Variants in NFAM1 observed in about 807,000 individuals in gnomAD.
NFAM1 encodes NFAT activating protein with ITAM motif 1.
Under a neutral mutation model 29.0 loss-of-function variants are expected in NFAM1, and 17 were observed. The observed-to-expected ratio is 0.59, with a 90% CI of 0.40 to 0.88. NFAM1 has a LOEUF of 0.88. Among genes scored for constraint, NFAM1 ranks in the 40% least tolerant of loss-of-function variants. NFAM1 has a pLI of 0.00. For missense variants in NFAM1, 324 were observed against 344.6 expected (o/e 0.94, Z 0.47); for synonymous variants, 175 against 147.2 (o/e 1.19, Z -1.36).
intron 4 of NFAM1, among the ~76,000 whole-genome samples, chr22:42,387,337 C>T (rs1214595342): frequency 6.6e-6 from 1 of 152,164 alleles, no homozygotes; most frequent in Non-Finnish European, 1.5e-5. Context: ...TTGTATTCCA[C>T]CTGGAGGGTT....
intron 4 of NFAM1, among the ~76,000 whole-genome samples, chr22:42,394,192 T>C (rs1374555491): frequency 6.6e-6 from 1 of 150,956 alleles, no homozygotes; most frequent in African/African-American, 2.4e-5. Flanking sequence ...TGTGCCACCA[T>C]GCCCGGCTAA....
chr22:42,385,062 C>A lies in NFAM1; in HGVS notation c.*99G>T. On this transcript the variant is annotated 3_prime_UTR_variant, in exon 6 of 6. Coordinates refer to ENST00000329021, the MANE Select transcript of NFAM1 (RefSeq NM_145912.8). ...TGTGAGGGTGAAATGATGGGGTGTCCCTGGGGGCCTTACTCCCAACTCAGA... is the reference window on the plus strand; with the variant it reads ...TGTGAGGGTGAAATGATGGGGTGTCACTGGGGGCCTTACTCCCAACTCAGA... 3 of 867,404 alleles carry A rather than the reference C, an allele frequency of 3.5e-6. No individual in the cohort carries two copies. Among genetic ancestry groups the A allele is most frequent in the Non-Finnish European group, 6.0e-6 (3 of 503,418 alleles). The allele number at this position is 867,404 out of a possible 1,614,324, so 53.7% of individuals were successfully genotyped here.
At chr22:42,404,140 C>T (rs1256814039) in intron 3 of NFAM1, among the ~76,000 whole-genome samples, 1 of 152,150 alleles carries the variant, frequency 6.6e-6, no homozygotes, top group Non-Finnish European at 1.5e-5. Context: ...GGGGTGTGAG[C>T]TCCGTGCCCT....
chr22:42,392,127 G>C (rs1330067477), intron 4 of NFAM1, among the ~76,000 whole-genome samples: 1 of 152,050 alleles, frequency 6.6e-6, no homozygotes, highest in Non-Finnish European at 1.5e-5. Context: ...CCAGTGAAGG[G>C]AATGAAGAAG....
intron 1 of NFAM1, among the ~76,000 whole-genome samples, chr22:42,418,239 C>T (rs1337009517): frequency 6.6e-6 from 1 of 152,192 alleles, no homozygotes; most frequent in Non-Finnish European, 1.5e-5. Context: ...ACTTCTCTGA[C>T]CTCAGTGTCT....
chr22:42,390,999 G>C (rs973482600), intron 4 of NFAM1, among the ~76,000 whole-genome samples: 1 of 152,094 alleles, frequency 6.6e-6, no homozygotes, highest in Non-Finnish European at 1.5e-5. Context: ...TCAAGGGATC[G>C]GAACTGACCA....
At chr22:42,404,650 G>A (rs1391064854) in intron 3 of NFAM1, among the ~76,000 whole-genome samples, 2 of 152,122 alleles carry the variant, frequency 1.3e-5, no homozygotes, top group African/African-American at 2.4e-5. Flanking sequence ...GATGTCAGGA[G>A]TTTGAGACCA....
At chr22:42,436,502 G>C (rs1025919812), upstream of NFAM1, among the ~76,000 whole-genome samples, 1 of 152,144 alleles carries the variant, frequency 6.6e-6, no homozygotes, top group African/African-American at 2.4e-5. Context: ...CTTGTGCCTC[G>C]CAGTGGCCCT....
At chr22:42,420,048 G>A (rs978452721) in intron 1 of NFAM1, among the ~76,000 whole-genome samples, 3 of 106,742 alleles carry the variant, frequency 2.8e-5, no homozygotes, top group East Asian at 3.4e-4. Flanking sequence ...TTTTGCTCTT[G>A]TACCCAGGCT....
Position 42,409,110 on chromosome 22 carries a change from G to A in NFAM1, c.564+325C>T, listed in dbSNP as rs17003045. ...CAGCCTGCTGGGATCAAGAAAACCT[G>A]AGCAGGGATTCCCTAATCTGGGGAG... On this transcript the variant is annotated intron_variant, in intron 3 of 5. Coordinates refer to ENST00000329021, the MANE Select transcript of NFAM1 (RefSeq NM_145912.8). This position sits in a 1 kb window ranked among gnomAD's most constrained non-coding sequence, Gnocchi z 4.9. 0.029 allele frequency among the ~76,000 whole-genome samples: 4,409 copies of A among 152,260 alleles called. 217 individuals carry two copies. Among genetic ancestry groups the A allele is most frequent in the African/African-American group, 0.1 (4,245 of 41,526 alleles).
chr22:42,429,161 C>A (rs868377479), intron 1 of NFAM1, among the ~76,000 whole-genome samples: 1 of 152,212 alleles, frequency 6.6e-6, no homozygotes, highest in South Asian at 2.1e-4. Context: ...GCGAGGCTGG[C>A]AGGTGGCTGA....
intron 3 of NFAM1, among the ~76,000 whole-genome samples, chr22:42,403,856 A>G (rs1459448612): frequency 6.6e-6 from 1 of 152,158 alleles, no homozygotes; most frequent in African/African-American, 2.4e-5. Flanking sequence ...GAAGAAAGCC[A>G]TGGTGTCAGA....
In NFAM1 at chr22:42,419,037, A is replaced by C. The variant is rs1477595007; in HGVS notation, c.122-7301T>G. On this transcript the variant is annotated intron_variant, in intron 1 of 5. Transcript: ENST00000329021. This position sits in a 1 kb window ranked among gnomAD's most constrained non-coding sequence, Gnocchi z 4.5. ...TTCTTATGAATCTGTGGCTGCTTGA[A>C]CTTGGAGTTTGAGAGCTGGGCGGAG... Among the ~76,000 whole-genome samples, 2 of 152,074 alleles carry C rather than the reference A, an allele frequency of 1.3e-5. No homozygotes were observed. The highest frequency in any genetic ancestry group is 4.8e-5 in the African/African-American group (2 of 41,402).
chr22:42,419,100 C>T lies in NFAM1; in HGVS notation c.122-7364G>A, dbSNP rs1325041115. On this transcript the variant is annotated intron_variant, in intron 1 of 5. Coordinates refer to ENST00000329021, the MANE Select transcript of NFAM1 (RefSeq NM_145912.8). The surrounding 1 kb of genome is among the most constrained non-coding windows in gnomAD (Gnocchi z 4.5). ...CACACCTGGCGCGGGGACCACATGC[C>T]GAGTGAGTCCCTGGCGGGGTGTGCC... Among the ~76,000 whole-genome samples the T allele has an allele frequency of 2.6e-5, 4 of 152,292 alleles. No homozygotes were observed. Among genetic ancestry groups the T allele is most frequent in the Non-Finnish European group, 1.5e-5 (1 of 68,024 alleles).
At chr22:42,422,022 C>T (rs757560020) in intron 1 of NFAM1, among the ~76,000 whole-genome samples, 24 of 152,322 alleles carry the variant, frequency 1.6e-4, no homozygotes, top group Non-Finnish European at 2.5e-4. Context: ...TGGAAGACAA[C>T]CTTTGAACAG....
intron 1 of NFAM1, among the ~76,000 whole-genome samples, chr22:42,414,554 C>G (rs1262384743): frequency 1.3e-5 from 2 of 150,616 alleles, no homozygotes; most frequent in African/African-American, 5.0e-5. Flanking sequence ...GCCTGGGCAT[C>G]AAATTTTTTT....
At chr22:42,437,806 T>C in the NFAM1 span, among the ~76,000 whole-genome samples, 1 of 152,172 alleles carries the variant, frequency 6.6e-6, no homozygotes, top group Non-Finnish European at 1.5e-5. Flanking sequence ...CAGTGGGGGT[T>C]CCGGGGGGGT....
At chr22:42,408,306 C>T (rs577243135) in intron 3 of NFAM1, among the ~76,000 whole-genome samples, 17 of 152,294 alleles carry the variant, frequency 1.1e-4, no homozygotes, top group African/African-American at 3.9e-4. Context: ...ACATAAATTC[C>T]CGTGGAAGAG....
At chr22:42,411,860 G>A in intron 1 of NFAM1, 124 bp from the exon 2 acceptor site, 1 of 658,198 alleles carries the variant, frequency 1.5e-6, no homozygotes, top group African/African-American at 1.8e-5. Flanking sequence ...CACTTTGGGA[G>A]GCCGAGGCAG....
Sources: gnomAD v4.1 joint callset for allele counts (sites outside exome capture counted in the v4.1 genomes callset) on GRCh38, gnomAD v4.1.1 for gene constraint, Gnocchi (gnomAD v3.1) non-coding constraint, MANE v1.5 for transcripts, NCBI Gene and HGNC (gene_info 2026-07-23, HGNC 2026-07-21) for gene names.